KCNIP4: variants seen among roughly 807,000 people sequenced by gnomAD.
KCNIP4 encodes potassium voltage-gated channel interacting protein 4.
A neutral mutation model predicts 34.0 loss-of-function variants in KCNIP4; 12 were observed. That is an observed-to-expected ratio of 0.35 (90% CI 0.23 to 0.57). KCNIP4 has a LOEUF of 0.57. Among genes scored for constraint, KCNIP4 ranks in the 20% least tolerant of loss-of-function variants. The probability of loss-of-function intolerance (pLI) is 0.83; values close to 1 mark genes in which losing one functional copy is unlikely to be tolerated. For missense variants in KCNIP4, 238 were observed against 311.7 expected (o/e 0.76, Z 1.78); for synonymous variants, 124 against 102.2 (o/e 1.21, Z -1.29).
intron 1 of KCNIP4, among the ~76,000 whole-genome samples, chr4:21,132,352 C>T (rs1355826270): frequency 1.3e-5 from 2 of 152,176 alleles, no homozygotes; most frequent in African/African-American, 4.8e-5. Flanking sequence ...CCAATGTTCA[C>T]CCAAATCCTC....
chr4:21,365,847 G>A (rs533069160), intron 1 of KCNIP4, among the ~76,000 whole-genome samples: 53 of 152,256 alleles, frequency 3.5e-4, no homozygotes, highest in African/African-American at 1.3e-3. Flanking sequence ...GCTCATATCT[G>A]TCTACCAAAC....
intron 1 of KCNIP4, among the ~76,000 whole-genome samples, chr4:21,692,809 G>A (rs557195404): frequency 6.7e-6 from 1 of 149,332 alleles, no homozygotes; most frequent in African/African-American, 2.5e-5. Context: ...CTTGAACTGG[G>A]AAATAGAAAA....
chr4:21,205,085 T>C (rs1421159689), intron 1 of KCNIP4, among the ~76,000 whole-genome samples: 1 of 152,224 alleles, frequency 6.6e-6, no homozygotes, highest in East Asian at 1.9e-4. Flanking sequence ...AGCTGGTTCA[T>C]CAAGAATGCA....
Position 21,141,263 on chromosome 4 carries a change from G to C in KCNIP4, c.62-258554C>G, listed in dbSNP as rs189257132. Among the ~76,000 whole-genome samples the C allele has an allele frequency of 1.1e-4, 17 of 152,160 alleles. No individual in the cohort carries two copies. In the East Asian group the frequency reaches 3.1e-3, roughly 28 times the overall value. On this transcript the variant is annotated intron_variant, in intron 1 of 8. Coordinates refer to ENST00000382152, the MANE Select transcript of KCNIP4 (RefSeq NM_025221.6). ...CACTGATAGACTCGTTCAATGCAGG[G>C]TTGCCACAAATCTTCAATTGGTAAA...
At chr4:20,980,053 C>A (rs979184452) in intron 1 of KCNIP4, among the ~76,000 whole-genome samples, 1 of 152,190 alleles carries the variant, frequency 6.6e-6, no homozygotes, top group African/African-American at 2.4e-5. Context: ...AGGTCCTGTA[C>A]GACTAGTTTT....
intron 1 of KCNIP4, among the ~76,000 whole-genome samples, chr4:21,769,670 T>C (rs1271580414): frequency 1.3e-5 from 2 of 152,142 alleles, no homozygotes; most frequent in African/African-American, 2.4e-5. Context: ...TGAGTCATTA[T>C]CACATTACAC....
chr4:21,134,415 C>T (rs1751339100), intron 1 of KCNIP4, among the ~76,000 whole-genome samples: 1 of 152,154 alleles, frequency 6.6e-6, no homozygotes, highest in Admixed American at 6.5e-5. Flanking sequence ...TGTTGATTTA[C>T]TATGTTATTG....
chr4:21,302,199 A>T (rs1264833924), intron 1 of KCNIP4, among the ~76,000 whole-genome samples: 1 of 152,186 alleles, frequency 6.6e-6, no homozygotes, highest in Non-Finnish European at 1.5e-5. Flanking sequence ...AGAGGTTAGC[A>T]GCTCTTAGAG....
rs369667391 is a variant in KCNIP4, at chr4:20,734,618, C to T, written c.537+10G>A. ...CCAAATTACTGTGATGTTGGTGAGGCATCCCTTACCTCTTTAGTGATGTAG... is the reference window on the plus strand; with the variant it reads ...CCAAATTACTGTGATGTTGGTGAGGTATCCCTTACCTCTTTAGTGATGTAG... On this transcript the variant is annotated intron_variant, in intron 6 of 8. Coordinates refer to ENST00000382152, the MANE Select transcript of KCNIP4 (RefSeq NM_025221.6). The T allele has an allele frequency of 5.2e-5, 62 of 1,190,410 alleles. 1 individual carries two copies. In the Middle Eastern group the frequency reaches 7.9e-4, roughly 15 times the overall value. 73.7% of individuals were successfully genotyped at this position (1,190,410 alleles called of 1,614,324 possible).
At chr4:20,813,051 T>A (rs571494209) in intron 3 of KCNIP4, among the ~76,000 whole-genome samples, 3 of 152,274 alleles carry the variant, frequency 2.0e-5, no homozygotes, top group South Asian at 4.1e-4. Flanking sequence ...GTAAGTGATG[T>A]TGGAAAAATT....
At chr4:21,867,900 T>C (rs1161928749) in intron 1 of KCNIP4, among the ~76,000 whole-genome samples, 1 of 152,218 alleles carries the variant, frequency 6.6e-6, no homozygotes, top group Non-Finnish European at 1.5e-5. Context: ...TTTAAAAAGA[T>C]GTCCAAATGA....
chr4:20,920,572 T>C (rs891995563), intron 1 of KCNIP4, among the ~76,000 whole-genome samples: 2 of 152,122 alleles, frequency 1.3e-5, no homozygotes, highest in Admixed American at 6.5e-5. Flanking sequence ...AGAGGCAGGG[T>C]TGCAGACTGG....
At chr4:21,558,391 C>G (rs1409789322) in intron 1 of KCNIP4, among the ~76,000 whole-genome samples, 1 of 151,914 alleles carries the variant, frequency 6.6e-6, no homozygotes, top group Non-Finnish European at 1.5e-5. Flanking sequence ...ACTCAGGAGG[C>G]TTAGGCAGGA....
chr4:20,783,135 T>G (rs184853626), intron 3 of KCNIP4, among the ~76,000 whole-genome samples: 1 of 152,332 alleles, frequency 6.6e-6, no homozygotes, highest in East Asian at 1.9e-4. Context: ...CACCTCAGAC[T>G]GGACCTTATT....
chr4:21,913,390 C>T (rs956196664), intron 1 of KCNIP4, among the ~76,000 whole-genome samples: 9 of 147,800 alleles, frequency 6.1e-5, no homozygotes, highest in Non-Finnish European at 1.0e-4. Flanking sequence ...GTATTTGGCT[C>T]TCTTGCCCTT....
At chr4:21,756,139 C>A (rs1717502069) in intron 1 of KCNIP4, among the ~76,000 whole-genome samples, 1 of 152,088 alleles carries the variant, frequency 6.6e-6, no homozygotes, top group Non-Finnish European at 1.5e-5. Context: ...TTTTCTTTCC[C>A]AATTCCTAAA....
intron 1 of KCNIP4, among the ~76,000 whole-genome samples, chr4:21,251,519 T>G (rs1760697480): frequency 6.6e-6 from 1 of 152,098 alleles, no homozygotes; most frequent in African/African-American, 2.4e-5. Context: ...TTAATACAAA[T>G]TTTGCCCGGG....
intron 1 of KCNIP4, among the ~76,000 whole-genome samples, chr4:21,115,395 T>G (rs1223683113): frequency 6.6e-6 from 1 of 152,160 alleles, no homozygotes; most frequent in East Asian, 1.9e-4. Flanking sequence ...ACTATGAAAC[T>G]CATAGAGAGC....
chr4:21,014,584 T>C (rs1391725847), intron 1 of KCNIP4, among the ~76,000 whole-genome samples: 1 of 152,150 alleles, frequency 6.6e-6, no homozygotes, highest in East Asian at 1.9e-4. Flanking sequence ...CAATACCTCT[T>C]AGGAAAGCTG....
Sources: gnomAD v4.1 joint callset for allele counts (sites outside exome capture counted in the v4.1 genomes callset) on GRCh38, gnomAD v4.1.1 for gene constraint, MANE v1.5 for transcripts, NCBI Gene and HGNC (gene_info 2026-07-23, HGNC 2026-07-21) for gene names.